The following IARS1 variants were observed in gnomAD, a reference collection of about 807,000 sequenced individuals.
The protein encoded by IARS1 is isoleucine--tRNA ligase, cytoplasmic.
A neutral mutation model predicts 168.2 loss-of-function variants in IARS1; 124 were observed. The ratio of observed to expected loss-of-function variants is 0.74; its 90% CI spans 0.64 to 0.86. The LOEUF (loss-of-function observed/expected upper bound fraction) is 0.86. Ranked by LOEUF, IARS1 falls within the 40% of genes least tolerant of loss-of-function variation. IARS1 has a pLI of 0.00. For synonymous variants in IARS1, 532 were observed against 529.4 expected (o/e 1.00, Z -0.07); for missense variants, 1,452 against 1,515.8 (o/e 0.96, Z 0.70).
chr9:92,220,187 A>G (rs1220754644), intron 33 of IARS1, among the ~76,000 whole-genome samples: 1 of 148,264 alleles, frequency 6.7e-6, no homozygotes. Context: ...CAAACACTGC[A>G]TATTCTCACT....
intron 16 of IARS1, 122 bp downstream of exon 16, chr9:92,264,807 A>G: frequency 1.2e-6 from 1 of 837,796 alleles, no homozygotes; most frequent in Non-Finnish European, 1.9e-6. Flanking sequence ...GCAGGAATGT[A>G]GCCTGTCTTA....
rs1435633914 is a variant in IARS1 at position 92,262,878 on chromosome 9, C to T, written c.1787+91G>A. 5.8e-6 allele frequency: 5 copies of T among 855,438 alleles called. No homozygotes were observed. The African/African-American group carries it at 8.3e-5, about 14-fold the overall frequency. The allele number at this position is 855,438 out of a possible 1,614,324, so 53.0% of individuals were successfully genotyped here. On this transcript the variant is annotated intron_variant, in intron 17 of 33. Transcript: ENST00000443024. ...ACAGTGGAGACAAAGCTCCACCTGT[C>T]ACTACAACAAAGTTGACCGCTCTCA...
chr9:92,254,098 G>A (rs1164642141), intron 20 of IARS1, among the ~76,000 whole-genome samples: 6 of 152,178 alleles, frequency 3.9e-5, no homozygotes, highest in Admixed American at 3.9e-4. Flanking sequence ...TGCCCATAGT[G>A]CTGCAGTTAA....
rs1828524355 is a variant in IARS1, at chr9:92,242,181, A to G, written c.3150T>C (p.Asp1050=). Residue 1050 remains aspartate (D), a synonymous_variant, in exon 29 of 34, where the codon GAT becomes GAC. Coordinates refer to ENST00000443024, the MANE Select transcript of IARS1 (RefSeq NM_002161.6). ...PLKPYPVSPS[D]KVLIQEKTQL... ...GTGTTTTTTCTTGAATAAGGACTTT[A>G]TCCGATGGAGAAACTGGATATGGTT... The G allele has an allele frequency of 6.2e-7, 1 of 1,614,032 alleles. No individual in the cohort carries two copies.
chr9:92,235,837 T>C (rs1022873686), intron 30 of IARS1, among the ~76,000 whole-genome samples: 11 of 152,138 alleles, frequency 7.2e-5, no homozygotes, highest in Admixed American at 6.5e-4. Context: ...GATTGATTTT[T>C]AAATATTGAA....
intron 33 of IARS1, among the ~76,000 whole-genome samples, chr9:92,211,172 T>C (rs1837683622): frequency 6.6e-6 from 1 of 152,166 alleles, no homozygotes; most frequent in African/African-American, 2.4e-5. Context: ...TGATTTAGGA[T>C]GGGGACTTTG....
chr9:92,236,283 C>G (rs1459874960), intron 30 of IARS1, among the ~76,000 whole-genome samples: 1 of 152,110 alleles, frequency 6.6e-6, no homozygotes, highest in Non-Finnish European at 1.5e-5. Flanking sequence ...CGTGCCCAGC[C>G]TATCTTTTTT....
chr9:92,243,898 G>A (rs1828811952), intron 27 of IARS1, among the ~76,000 whole-genome samples: 1 of 152,174 alleles, frequency 6.6e-6, no homozygotes, highest in Non-Finnish European at 1.5e-5. Context: ...TGATTATGAT[G>A]TAGCAATAAT....
intron 33 of IARS1, among the ~76,000 whole-genome samples, chr9:92,215,512 T>A (rs1322389764): frequency 6.6e-6 from 1 of 151,934 alleles, no homozygotes; most frequent in African/African-American, 2.4e-5. Flanking sequence ...GCAAAGAAGT[T>A]GAAAACTTTG....
intron 10 of IARS1, among the ~76,000 whole-genome samples, chr9:92,272,867 A>C (rs796161219): frequency 8.2e-5 from 8 of 97,714 alleles, no homozygotes; most frequent in African/African-American, 1.6e-4. Context: ...AACAAAACAA[A>C]AAAAAAAAAA....
intron 31 of IARS1, among the ~76,000 whole-genome samples, chr9:92,228,024 A>C (rs1236993473): frequency 6.6e-6 from 1 of 152,148 alleles, no homozygotes; most frequent in African/African-American, 2.4e-5. Context: ...AGATCACGCC[A>C]CTGCACTCCA....
At chr9:92,224,669 C>T (rs775975714) in intron 31 of IARS1, among the ~76,000 whole-genome samples, 8 of 151,750 alleles carry the variant, frequency 5.3e-5, no homozygotes, top group Non-Finnish European at 1.0e-4. Flanking sequence ...CTCCTCTCTA[C>T]AAAAAAGAAA....
At chr9:92,215,438 C>T (rs1028465683) in intron 33 of IARS1, among the ~76,000 whole-genome samples, 13 of 152,190 alleles carry the variant, frequency 8.5e-5, no homozygotes, top group Non-Finnish European at 1.9e-4. Flanking sequence ...CTTTGACGAG[C>T]TGAGAGAAGA....
At chr9:92,293,485 C>T (rs1407026330) in intron 1 of IARS1, 126 bp downstream of exon 1, 2 of 530,576 alleles carry the variant, frequency 3.8e-6, no homozygotes, top group Non-Finnish European at 7.7e-6. Flanking sequence ...TGGAAACGAA[C>T]GAACGGCAAG....
Position 92,243,104 on chromosome 9 carries a change from T to C in IARS1, c.3000+112A>G, listed in dbSNP as rs534053663. 11 of 694,972 alleles carry C rather than the reference T, an allele frequency of 1.6e-5. No homozygotes were observed. The East Asian group carries it at 2.5e-4, about 16-fold the overall frequency. 43.1% of individuals were successfully genotyped at this position (694,972 alleles called of 1,614,324 possible). ...TTCCAAATGGACTATGGATTAGTGA[T>C]TGTTATGCATTGATCACTATGGTTT... On this transcript the variant is annotated intron_variant, in intron 28 of 33. Coordinates refer to ENST00000443024, the MANE Select transcript of IARS1 (RefSeq NM_002161.6).
intron 30 of IARS1, among the ~76,000 whole-genome samples, chr9:92,236,110 G>A (rs894465044): frequency 1.3e-5 from 2 of 151,876 alleles, no homozygotes; most frequent in Non-Finnish European, 2.9e-5. Context: ...AGCCTCCCGA[G>A]TAGGCTGAGA....
intron 10 of IARS1, among the ~76,000 whole-genome samples, chr9:92,274,015 G>A (rs1564183380): frequency 6.6e-6 from 1 of 152,184 alleles, no homozygotes. Context: ...TACATAAAAA[G>A]GAATGTGTTT....
chr9:92,286,526 A>G lies in IARS1; in HGVS notation c.479+10T>C, dbSNP rs999003756. On this transcript the variant is annotated intron_variant, in intron 5 of 33. Transcript: ENST00000443024. ...ATATTTACCATATTTACAATTTTAA[A>G]TAAACCTACCAGACTGATTCCATGA... The G allele has an allele frequency of 6.9e-7, 1 of 1,457,078 alleles. No homozygotes were observed. The highest frequency in any genetic ancestry group is 1.2e-5 in the South Asian group (1 of 85,736). 90.3% of individuals were successfully genotyped at this position (1,457,078 alleles called of 1,614,324 possible).
intron 9 of IARS1, among the ~76,000 whole-genome samples, chr9:92,275,908 G>T (rs1208637321): frequency 6.6e-6 from 1 of 152,240 alleles, no homozygotes; most frequent in Non-Finnish European, 1.5e-5. Flanking sequence ...ATGAGTAGGT[G>T]TTATTCAACT....
Sources: gnomAD v4.1 joint callset for allele counts (sites outside exome capture counted in the v4.1 genomes callset) on GRCh38, gnomAD v4.1.1 for gene constraint, MANE v1.5 for transcripts, NCBI Gene and HGNC (gene_info 2026-07-23, HGNC 2026-07-21) for gene names.